RBFOX1: variants seen among roughly 807,000 people sequenced by gnomAD.
RBFOX1 encodes RNA binding fox-1 homolog 1.
A neutral mutation model predicts 57.7 loss-of-function variants in RBFOX1; 8 were observed. The observed-to-expected ratio is 0.14, with a 90% CI of 0.08 to 0.25. The LOEUF (loss-of-function observed/expected upper bound fraction) is 0.25. RBFOX1 is among the 10% of genes least tolerant of loss of function. The pLI, the probability that RBFOX1 is intolerant of heterozygous loss-of-function variation, is 1.00. For synonymous variants in RBFOX1, 326 were observed against 222.4 expected, an observed-to-expected ratio of 1.47 and a Z score of -4.15; for missense variants, 611 against 548.5, an observed-to-expected ratio of 1.11 and a Z score of -1.14.
chr16:7,522,872 AG>A (rs1165257689), intron 5 of RBFOX1, among the ~76,000 whole-genome samples: 1 of 152,244 alleles, frequency 6.6e-6, no homozygotes, highest in East Asian at 1.9e-4. Flanking sequence ...ATATATTTAA[AG>A]TATACACTTT....
At chr16:6,466,557 G>A (rs1482102095) in intron 2 of RBFOX1, among the ~76,000 whole-genome samples, 1 of 152,126 alleles carries the variant, frequency 6.6e-6, no homozygotes, top group Non-Finnish European at 1.5e-5. Context: ...TGCTTGCTGG[G>A]TTAAGACCAT....
At chr16:5,746,623 T>G (rs1435310756) in intron 3 of RBFOX1, among the ~76,000 whole-genome samples, 9 of 152,122 alleles carry the variant, frequency 5.9e-5, no homozygotes, top group African/African-American at 2.2e-4. Flanking sequence ...ATTGAGCAGT[T>G]GTTTGTAGTT....
intron 4 of RBFOX1, among the ~76,000 whole-genome samples, chr16:5,894,457 T>C (rs1428642269): frequency 6.6e-6 from 1 of 151,966 alleles, no homozygotes; most frequent in African/African-American, 2.4e-5. Context: ...GTATTTTTAG[T>C]AGAGATAGGG....
intron 2 of RBFOX1, among the ~76,000 whole-genome samples, chr16:6,601,452 C>T (rs1273398371): frequency 2.0e-5 from 3 of 152,038 alleles, no homozygotes; most frequent in African/African-American, 4.8e-5. Context: ...TGTCATTTAC[C>T]TCTCCTCTTT....
At chr16:5,709,835 ATATATATATTTTTTTTTTTTTTTTTTTT>A (rs1250995334) in intron 3 of RBFOX1, among the ~76,000 whole-genome samples, 5 of 6,218 alleles carry the variant, frequency 8.0e-4, no homozygotes, top group Non-Finnish European at 1.6e-3. Flanking sequence ...ATATATATAT[ATATATATATTTTTTTTTTTTTTTTTTTT>A]TTTTTTTTTT....
chr16:7,475,875 A>G (rs1349398379), intron 4 of RBFOX1, among the ~76,000 whole-genome samples: 9 of 152,224 alleles, frequency 5.9e-5, no homozygotes, highest in South Asian at 2.1e-4. Context: ...GGTGCTTACT[A>G]TGTCCCAGGA....
intron 2 of RBFOX1, among the ~76,000 whole-genome samples, chr16:6,557,931 T>C (rs2097127757): frequency 6.6e-6 from 1 of 152,202 alleles, no homozygotes; most frequent in East Asian, 1.9e-4. Flanking sequence ...GCTTATGGCA[T>C]GCCCAACTCA....
intron 14 of RBFOX1, among the ~76,000 whole-genome samples, chr16:7,691,843 G>A (rs780242229): frequency 6.6e-6 from 1 of 152,142 alleles, no homozygotes; most frequent in Non-Finnish European, 1.5e-5. Context: ...AATGCCTAGT[G>A]CAAAGACCTT....
rs753640443 is a variant in RBFOX1 at position 7,579,767 on chromosome 16, G to A, written c.271-10G>A. Reference sequence around the variant, plus strand: ...CTGAGAACCTCTTCGGTTTCTTCTTGTTCTTTTAGCAGACAGATGACGCAG... The same window carrying A: ...CTGAGAACCTCTTCGGTTTCTTCTTATTCTTTTAGCAGACAGATGACGCAG... On this transcript the variant is annotated splice_polypyrimidine_tract_variant and intron_variant, in intron 5 of 15. Transcript: ENST00000550418. 1.2e-6 allele frequency: 2 copies of A among 1,613,928 alleles called. No individual in the cohort carries two copies. The highest frequency in any genetic ancestry group is 2.7e-5 in the African/African-American group (2 of 74,918).
intron 10 of RBFOX1, among the ~76,000 whole-genome samples, chr16:7,623,493 T>G (rs980397216): frequency 6.6e-6 from 1 of 152,106 alleles, no homozygotes; most frequent in Non-Finnish European, 1.5e-5. Flanking sequence ...CCTAGCTCAG[T>G]TCACAATAAG....
intron 1 of RBFOX1, among the ~76,000 whole-genome samples, chr16:6,295,133 G>C (rs1215788855): frequency 7.8e-6 from 1 of 127,448 alleles, no homozygotes; most frequent in East Asian, 2.5e-4. Flanking sequence ...TTTTGAGACG[G>C]GGTATCTCTC....
At chr16:7,021,917 CTTTCTTTCTTTA>C (rs1229124186) in intron 3 of RBFOX1, among the ~76,000 whole-genome samples, 3 of 142,490 alleles carry the variant, frequency 2.1e-5, no homozygotes, top group Non-Finnish European at 3.0e-5. Context: ...TCTTTCTTTT[CTTTCTTTCTTTA>C]TTTTCTTTTC....
At chr16:6,726,625 A>G (rs2067249825) in intron 3 of RBFOX1, among the ~76,000 whole-genome samples, 1 of 152,160 alleles carries the variant, frequency 6.6e-6, no homozygotes, top group South Asian at 2.1e-4. Context: ...TTCAGCAAAC[A>G]CTATGATTTC....
At chr16:6,586,324 C>G (rs534306688) in intron 2 of RBFOX1, among the ~76,000 whole-genome samples, 2 of 152,188 alleles carry the variant, frequency 1.3e-5, no homozygotes, top group African/African-American at 4.8e-5. Flanking sequence ...AAGAAACATT[C>G]ATTCCTAAGA....
intron 3 of RBFOX1, among the ~76,000 whole-genome samples, chr16:5,824,218 C>T (rs914020725): frequency 5.9e-5 from 9 of 152,152 alleles, no homozygotes; most frequent in Non-Finnish European, 7.3e-5. Context: ...TAGGAGGGGG[C>T]GCCAGAGTCT....
chr16:7,251,975 C>G (rs1014746825), intron 4 of RBFOX1, among the ~76,000 whole-genome samples: 1 of 152,076 alleles, frequency 6.6e-6, no homozygotes, highest in Non-Finnish European at 1.5e-5. Context: ...CTGGGTGATT[C>G]TTAAAGAGAG....
chr16:6,031,755 G>T (rs1314109847), intron 1 of RBFOX1, among the ~76,000 whole-genome samples: 3 of 152,204 alleles, frequency 2.0e-5, no homozygotes, highest in Non-Finnish European at 4.4e-5. Context: ...GCAGAATGAG[G>T]GTCAGTGTTG....
intron 3 of RBFOX1, among the ~76,000 whole-genome samples, chr16:6,775,515 A>T (rs147868258): frequency 6.6e-6 from 1 of 152,286 alleles, no homozygotes; most frequent in East Asian, 1.9e-4. Context: ...ATCAGATGCA[A>T]CCAATTATAT....
At chr16:7,444,257 A>T (rs1014718853) in intron 4 of RBFOX1, among the ~76,000 whole-genome samples, 2 of 152,146 alleles carry the variant, frequency 1.3e-5, no homozygotes, top group African/African-American at 4.8e-5. Flanking sequence ...CCTGTTTCCT[A>T]ATGGGTCATC....
Sources: allele counts gnomAD v4.1 joint callset (sites outside exome capture counted in the v4.1 genomes callset), GRCh38; gene constraint gnomAD v4.1.1; transcripts MANE v1.5; gene names NCBI Gene and HGNC (gene_info 2026-07-23, HGNC 2026-07-21).